PDE1A: variants seen among roughly 807,000 people sequenced by gnomAD.
The protein encoded by PDE1A is phosphodiesterase 1A, also known as dual specificity calcium/calmodulin-dependent 3',5'-cyclic nucleotide phosphodiesterase 1A.
Under a neutral mutation model 61.7 loss-of-function variants are expected in PDE1A, and 35 were observed. The observed-to-expected ratio is 0.57, with a 90% CI of 0.43 to 0.75. The LOEUF (loss-of-function observed/expected upper bound fraction) is 0.75, where lower values mean the gene tolerates loss of function less well. PDE1A is among the 30% of genes least tolerant of loss of function. The pLI is 0.00. For missense variants in PDE1A, 597 were observed against 630.6 expected, an observed-to-expected ratio of 0.95 and a Z score of 0.57; for synonymous variants, 232 against 213.2, an observed-to-expected ratio of 1.09 and a Z score of -0.77.
At chr2:182,267,298 T>C (rs1184123530) in intron 1 of PDE1A, among the ~76,000 whole-genome samples, 2 of 152,094 alleles carry the variant, frequency 1.3e-5, no homozygotes, top group Non-Finnish European at 2.9e-5. Context: ...CATAATTAGG[T>C]ATATAAACCT....
intron 2 of PDE1A, among the ~76,000 whole-genome samples, chr2:182,448,509 G>A (rs942577396): frequency 2.0e-5 from 3 of 151,996 alleles, no homozygotes; most frequent in Admixed American, 6.6e-5. Context: ...GTTGGGTTAT[G>A]GACCATTCTG....
chr2:182,232,065 G>T (rs1322517022), intron 4 of PDE1A, among the ~76,000 whole-genome samples: 1 of 152,132 alleles, frequency 6.6e-6, no homozygotes, highest in East Asian at 1.9e-4. Context: ...TACTTTGCTT[G>T]AGGGACAAGT....
chr2:182,493,725 C>T (rs763379920), intron 2 of PDE1A, among the ~76,000 whole-genome samples: 7 of 152,174 alleles, frequency 4.6e-5, no homozygotes, highest in South Asian at 2.1e-4. Flanking sequence ...CACATATACA[C>T]GACCGAATAC....
intron 2 of PDE1A, among the ~76,000 whole-genome samples, chr2:182,482,864 G>A (rs1361983710): frequency 1.3e-5 from 2 of 151,940 alleles, no homozygotes; most frequent in Non-Finnish European, 2.9e-5. Flanking sequence ...TCAATTAGCT[G>A]TAACTAGACT....
chr2:182,235,374 C>T (rs757945018), intron 3 of PDE1A, among the ~76,000 whole-genome samples: 10 of 152,198 alleles, frequency 6.6e-5, no homozygotes, highest in Non-Finnish European at 1.3e-4. Context: ...AAACTCCTAA[C>T]CTCGTGATCC....
At chr2:182,302,142 A>G (rs1227563874) in intron 1 of PDE1A, among the ~76,000 whole-genome samples, 1 of 152,200 alleles carries the variant, frequency 6.6e-6, no homozygotes, top group Non-Finnish European at 1.5e-5. Context: ...AACACCCATA[A>G]TAACTCAGCC....
intron 2 of PDE1A, among the ~76,000 whole-genome samples, chr2:182,515,234 T>C (rs1690058678): frequency 6.6e-6 from 1 of 152,224 alleles, no homozygotes; most frequent in South Asian, 2.1e-4. Context: ...TCTTACTGCA[T>C]ATTAACTTGC....
At chr2:182,667,455 G>A in the PDE1A span, among the ~76,000 whole-genome samples, 2 of 152,186 alleles carry the variant, frequency 1.3e-5, no homozygotes, top group Non-Finnish European at 2.9e-5. Flanking sequence ...ACATATGAGA[G>A]CCACTACAGT....
At chr2:182,444,960 T>C (rs1194392068) in intron 2 of PDE1A, among the ~76,000 whole-genome samples, 5 of 152,132 alleles carry the variant, frequency 3.3e-5, no homozygotes, top group African/African-American at 1.2e-4. Context: ...CAAGTTAAAC[T>C]TGGCATACTT....
chr2:182,255,924 G>A (rs1354202425), intron 2 of PDE1A, among the ~76,000 whole-genome samples: 1 of 151,238 alleles, frequency 6.6e-6, no homozygotes, highest in African/African-American at 2.4e-5. Flanking sequence ...CACCCGCCTC[G>A]GCCTCCCAAA....
chr2:182,500,317 A>C (rs1469450254), intron 2 of PDE1A, among the ~76,000 whole-genome samples: 1 of 152,148 alleles, frequency 6.6e-6, no homozygotes, highest in Non-Finnish European at 1.5e-5. Flanking sequence ...CATTGGGAGG[A>C]GGGTCAGTCA....
At chr2:182,372,741 C>G (rs1418902103) in intron 1 of PDE1A, among the ~76,000 whole-genome samples, 1 of 152,142 alleles carries the variant, frequency 6.6e-6, no homozygotes, top group Non-Finnish European at 1.5e-5. Context: ...CAATTCAGAA[C>G]ACAGAGAAAT....
intron 13 of PDE1A, among the ~76,000 whole-genome samples, chr2:182,176,095 G>T (rs1017809542): frequency 1.3e-5 from 2 of 149,276 alleles, no homozygotes; most frequent in Non-Finnish European, 2.9e-5. Context: ...TAGCCTTGTA[G>T]TATAGTTTGA....
chr2:182,214,409 T>C (rs1234132912), intron 7 of PDE1A, among the ~76,000 whole-genome samples: 1 of 150,780 alleles, frequency 6.6e-6, no homozygotes, highest in Non-Finnish European at 1.5e-5. Flanking sequence ...AATTCACACA[T>C]AACAATATTA....
At chr2:182,475,719 T>G (rs1687314275) in intron 2 of PDE1A, among the ~76,000 whole-genome samples, 1 of 151,938 alleles carries the variant, frequency 6.6e-6, no homozygotes, top group Non-Finnish European at 1.5e-5. Context: ...TTAATGAAGT[T>G]AATATACAAC....
chr2:182,428,478 TA>T (rs1176807970), upstream of PDE1A, among the ~76,000 whole-genome samples: 2 of 152,130 alleles, frequency 1.3e-5, no homozygotes, highest in Non-Finnish European at 2.9e-5. Flanking sequence ...ATATAGATAT[TA>T]CATAGTTATG....
At chr2:182,553,125 G>C in the PDE1A span, among the ~76,000 whole-genome samples, 3 of 152,188 alleles carry the variant, frequency 2.0e-5, no homozygotes, top group East Asian at 5.8e-4. Flanking sequence ...GTGACCCACG[G>C]CTTCTAATAG....
chr2:182,703,235 T>C, the PDE1A span, among the ~76,000 whole-genome samples: 1 of 152,222 alleles, frequency 6.6e-6, no homozygotes, highest in Non-Finnish European at 1.5e-5. Flanking sequence ...CTAGTGGCAA[T>C]TTATTTTGAA....
chr2:182,374,179 T>C (rs759394644), intron 1 of PDE1A, among the ~76,000 whole-genome samples: 6 of 152,144 alleles, frequency 3.9e-5, no homozygotes, highest in Admixed American at 1.3e-4. Flanking sequence ...ACATTTAAAA[T>C]TTATATGTAC....
Sources: gnomAD v4.1 joint callset for allele counts (sites outside exome capture counted in the v4.1 genomes callset) on GRCh38, gnomAD v4.1.1 for gene constraint, MANE v1.5 for transcripts, NCBI Gene and HGNC (gene_info 2026-07-23, HGNC 2026-07-21) for gene names.